DSCAM: variants seen among roughly 807,000 people sequenced by gnomAD.
DSCAM encodes the protein DS cell adhesion molecule.
In DSCAM, 47 loss-of-function variants were observed where a neutral mutation model predicts 217.7. That is an observed-to-expected ratio of 0.22 (90% confidence interval 0.17 to 0.28). The LOEUF is 0.28. Among genes scored for constraint, DSCAM ranks in the 10% least tolerant of loss-of-function variants. The pLI, the probability that DSCAM is intolerant of heterozygous loss-of-function variation, is 1.00. For missense variants in DSCAM, 2,080 were observed against 2,618.3 expected, an observed-to-expected ratio of 0.79 and a Z score of 4.49; for synonymous variants, 1,056 against 1,015.3, an observed-to-expected ratio of 1.04 and a Z score of -0.76.
chr21:40,183,865 G>A (rs1277041368), intron 14 of DSCAM, among the ~76,000 whole-genome samples: 3 of 152,158 alleles, frequency 2.0e-5, no homozygotes, highest in South Asian at 2.1e-4. Context: ...CTTTTGGGGG[G>A]ATAATTTCAC....
intron 3 of DSCAM, among the ~76,000 whole-genome samples, chr21:40,612,907 CCTT>C (rs1398456535): frequency 6.6e-6 from 1 of 152,116 alleles, no homozygotes; most frequent in Non-Finnish European, 1.5e-5. Context: ...GTTTTCTCCT[CCTT>C]CATTTTTTCT....
At chr21:40,715,786 C>T (rs1289015976) in intron 1 of DSCAM, among the ~76,000 whole-genome samples, 1 of 152,092 alleles carries the variant, frequency 6.6e-6, no homozygotes, top group Non-Finnish European at 1.5e-5. Flanking sequence ...TAATTAATTC[C>T]ACCAGGATTC....
At position 40,085,661 on chromosome 21, in the gene DSCAM, C is replaced by T. The variant is rs2089522572; in HGVS notation, c.4073G>A (p.Ser1358Asn). The stretch of plus-strand genomic sequence containing the variant: ...TCCCCAGTTGTTATTGGCAATGCAG[C>T]TGTAATAGCCGGAGTCTTCTGCTTT... The part of the protein sequence containing the change: ...TVKAEDSGYY[S>N]CIANNNWGSD... Residue 1358 changes from serine (S) to asparagine (N), a missense_variant, in exon 23 of 33, where the codon AGC (serine) becomes AAC (asparagine). Physicochemically the swap from Ser to Asn is conservative, Grantham distance 46. Coordinates refer to ENST00000400454, the MANE Select transcript of DSCAM (RefSeq NM_001389.5). 1.3e-6 allele frequency: 2 copies of T among 1,592,206 alleles called. No individual in the cohort carries two copies. Among genetic ancestry groups the T allele is most frequent in the African/African-American group, 1.3e-5 (1 of 74,720 alleles).
intron 3 of DSCAM, among the ~76,000 whole-genome samples, chr21:40,565,787 T>C (rs559793666): frequency 1.1e-4 from 17 of 152,268 alleles, no homozygotes; most frequent in Non-Finnish European, 2.4e-4. Context: ...GGTGAATCAC[T>C]TTCAACTACA....
chr21:40,842,705 G>A (rs1002746095), intron 1 of DSCAM, among the ~76,000 whole-genome samples: 6 of 152,104 alleles, frequency 3.9e-5, no homozygotes, highest in African/African-American at 1.4e-4. Flanking sequence ...GGAGGTCCAG[G>A]AATTGGGGAT....
chr21:40,635,621 T>A (rs955743885), intron 3 of DSCAM, among the ~76,000 whole-genome samples: 3 of 152,098 alleles, frequency 2.0e-5, no homozygotes, highest in Non-Finnish European at 4.4e-5. Flanking sequence ...TGACTGTGGA[T>A]TGAGAATGTG....
At chr21:40,654,417 G>C (rs889823344) in intron 3 of DSCAM, among the ~76,000 whole-genome samples, 1 of 152,208 alleles carries the variant, frequency 6.6e-6, no homozygotes, top group Non-Finnish European at 1.5e-5. Context: ...GCAAGAGGCT[G>C]TTCGATTTTG....
intron 20 of DSCAM, among the ~76,000 whole-genome samples, chr21:40,099,675 G>A (rs569572237): frequency 7.9e-5 from 12 of 152,328 alleles, no homozygotes; most frequent in South Asian, 2.1e-4. Flanking sequence ...ATCTTAAAGC[G>A]TGAGAATGCT....
chr21:40,257,534 T>C (rs1768639530), intron 11 of DSCAM, among the ~76,000 whole-genome samples: 1 of 149,766 alleles, frequency 6.7e-6, no homozygotes. Flanking sequence ...CCTCTCCACA[T>C]GGCTATGCTA....
intron 11 of DSCAM, among the ~76,000 whole-genome samples, chr21:40,250,186 C>T (rs917510685): frequency 6.6e-6 from 1 of 152,182 alleles, no homozygotes; most frequent in African/African-American, 2.4e-5. Context: ...TGGGGATTCA[C>T]AGCCTCTGTC....
intron 3 of DSCAM, among the ~76,000 whole-genome samples, chr21:40,460,767 A>T (rs2075799614): frequency 6.6e-6 from 1 of 152,230 alleles, no homozygotes; most frequent in Non-Finnish European, 1.5e-5. Flanking sequence ...GTTATTCTCA[A>T]CTGTCAGAAC....
At chr21:40,198,988 A>G (rs2091043311) in intron 11 of DSCAM, among the ~76,000 whole-genome samples, 1 of 152,180 alleles carries the variant, frequency 6.6e-6, no homozygotes, top group Non-Finnish European at 1.5e-5. Flanking sequence ...CTTCCAGTAG[A>G]AAGAAACAGC....
At chr21:40,037,841 A>G (rs1308448344) in intron 32 of DSCAM, among the ~76,000 whole-genome samples, 1 of 142,586 alleles carries the variant, frequency 7.0e-6, no homozygotes, top group East Asian at 2.0e-4. Flanking sequence ...GGAACAGAAC[A>G]GAGCCCTCAG....
intron 18 of DSCAM, among the ~76,000 whole-genome samples, chr21:40,140,225 C>T (rs1316784585): frequency 1.3e-5 from 2 of 152,086 alleles, no homozygotes; most frequent in African/African-American, 4.8e-5. Context: ...AGGTTTCTTG[C>T]TTATCTTTCG....
chr21:40,220,683 A>G (rs1023106172), intron 11 of DSCAM, among the ~76,000 whole-genome samples: 1 of 152,234 alleles, frequency 6.6e-6, no homozygotes. Context: ...GAATAGCTAT[A>G]TGAGACTCCC....
intron 24 of DSCAM, among the ~76,000 whole-genome samples, chr21:40,082,216 G>T (rs769873598): frequency 6.6e-6 from 1 of 152,102 alleles, no homozygotes; most frequent in African/African-American, 2.4e-5. Context: ...ATCCCAGCAC[G>T]TTGGGAAGCC....
At chr21:40,610,062 T>C (rs1405648507) in intron 3 of DSCAM, among the ~76,000 whole-genome samples, 3 of 152,220 alleles carry the variant, frequency 2.0e-5, no homozygotes, top group Non-Finnish European at 1.5e-5. Context: ...ACCAAACACC[T>C]TTAAAACAAG....
chr21:40,609,919 T>C (rs1484150422), intron 3 of DSCAM, among the ~76,000 whole-genome samples: 1 of 152,162 alleles, frequency 6.6e-6, no homozygotes, highest in Non-Finnish European at 1.5e-5. Flanking sequence ...TCAGTGCTCT[T>C]ATATCAAGAT....
intron 3 of DSCAM, among the ~76,000 whole-genome samples, chr21:40,676,721 C>T (rs1241704448): frequency 4.6e-5 from 7 of 152,138 alleles, no homozygotes; most frequent in Admixed American, 1.3e-4. Context: ...CCTTGTGGAT[C>T]ATTTAAAAAT....
Sources: gnomAD v4.1 joint callset for allele counts (sites outside exome capture counted in the v4.1 genomes callset) on GRCh38, gnomAD v4.1.1 for gene constraint, MANE v1.5 for transcripts, NCBI Gene and HGNC (gene_info 2026-07-23, HGNC 2026-07-21) for gene names.